Variants in SSH1 observed in about 807,000 individuals in gnomAD.
The protein encoded by SSH1 is slingshot protein phosphatase 1.
Under a neutral mutation model 79.7 loss-of-function variants are expected in SSH1, and 43 were observed. The ratio of observed to expected loss-of-function variants is 0.54; its 90% CI spans 0.42 to 0.70. SSH1 has a LOEUF of 0.70. SSH1 is among the 30% of genes least tolerant of loss of function. The pLI is 0.00. For missense variants in SSH1, 1,206 were observed against 1,358.8 expected (o/e 0.89, Z 1.77); for synonymous variants, 599 against 538.3 (o/e 1.11, Z -1.56).
intron 9 of SSH1, 67 bp from the exon 10 acceptor site, chr12:108,805,251 TAA>T: frequency 6.4e-7 from 1 of 1,566,914 alleles, no homozygotes; most frequent in South Asian, 1.1e-5. Context: ...TCAAAAGAAT[TAA>T]AGTTACAATG....
chr12:108,826,399 A>T (rs1258973686), intron 2 of SSH1: 1 of 307,138 alleles, frequency 3.3e-6, no homozygotes, highest in Non-Finnish European at 6.3e-6. Context: ...AGTAACAGGC[A>T]TTTACTGTAA....
intron 13 of SSH1, among the ~76,000 whole-genome samples, chr12:108,798,133 C>T (rs913826832): frequency 1.3e-5 from 2 of 152,244 alleles, no homozygotes; most frequent in African/African-American, 4.8e-5. Context: ...CACTAGTTCG[C>T]TTGTACGCTC....
intron 2 of SSH1, chr12:108,827,501 C>T: frequency 1.5e-6 from 2 of 1,292,198 alleles, no homozygotes; most frequent in Non-Finnish European, 2.0e-6. Context: ...ACCCGAAAAG[C>T]AAATGGCTCT....
intron 2 of SSH1, chr12:108,827,612 T>G (rs993551729): frequency 1.7e-6 from 2 of 1,206,246 alleles, no homozygotes; most frequent in East Asian, 6.5e-5. Flanking sequence ...CTGAGGTTCC[T>G]CTAATCACTG....
chr12:108,823,450 T>G (rs2038201408), intron 2 of SSH1, 89 bp from the exon 3 acceptor site: 6 of 1,036,624 alleles, frequency 5.8e-6, no homozygotes, highest in Non-Finnish European at 8.8e-6. Context: ...AGCTTTAGCG[T>G]GGACAAATGG....
At chr12:108,806,001 G>A (rs772873111) in intron 9 of SSH1, among the ~76,000 whole-genome samples, 6 of 152,066 alleles carry the variant, frequency 3.9e-5, no homozygotes, top group Admixed American at 6.6e-5. Flanking sequence ...AATGCTTCTC[G>A]GTGCAGTCTG....
rs1219176817 is a variant in SSH1, at chr12:108,782,146, A to G, written c.*5842T>C. The G allele has an allele frequency of 6.6e-6, 1 of 151,080 alleles. No homozygotes were observed. The highest frequency in any genetic ancestry group is 1.5e-5 in the Non-Finnish European group (1 of 67,884). The allele number at this position is 151,080 out of a possible 1,614,324, so 9.4% of individuals were successfully genotyped here. A position where few individuals can be genotyped will look rare whatever the true frequency, so the allele number is the denominator to read the frequency against. ...AGACCCAGTCTCAAAAAAAAAAAAA[A>G]AAAAATTAAAAAAAAAAAAATGGAA... is the stretch of plus-strand genomic sequence containing the variant. On this transcript the variant is annotated 3_prime_UTR_variant, in exon 15 of 15. Transcript: ENST00000326495.
chr12:108,802,265 G>A (rs1341640397), intron 11 of SSH1, 57 bp downstream of exon 11: 1 of 1,507,506 alleles, frequency 6.6e-7, no homozygotes, highest in African/African-American at 1.4e-5. Context: ...CCATGGCAGA[G>A]TGGAGGGTTT....
At chr12:108,814,951 G>A (rs1417004297) in intron 5 of SSH1, among the ~76,000 whole-genome samples, 2 of 152,246 alleles carry the variant, frequency 1.3e-5, no homozygotes, top group Admixed American at 6.5e-5. Context: ...AGGCATGCCC[G>A]TGACTGCTGG....
chr12:108,852,999 G>C, intron 1 of SSH1: 1 of 985,352 alleles, frequency 1.0e-6, no homozygotes, highest in Non-Finnish European at 1.2e-6. Context: ...ACTTTCCGAG[G>C]TTGTTCTGGA....
rs926549887 is a variant in SSH1 at position 108,803,338 on chromosome 12, A to G, written c.955-970T>C. 1.5e-4 allele frequency among the ~76,000 whole-genome samples: 22 copies of G among 151,150 alleles called. 1 individual carries two copies. The highest frequency in any genetic ancestry group is 2.9e-5 in the Non-Finnish European group (2 of 67,924). On this transcript the variant is annotated intron_variant, in intron 10 of 14. Transcript: ENST00000326495. ...TATCATTGAAAAACCTTCCACTCCC[A>G]AGCATTCAAAGGACATGGAACGGGG...
Position 108,792,487 on chromosome 12 carries a change from A to T in SSH1, c.1692T>A (p.Cys564Ter). ...CTAGTTTCTTCTTCACATCCTTCTCACAGAGTCCGGAACCTTGCTGGGGCT... is the reference window on the plus strand; with the variant it reads ...CTAGTTTCTTCTTCACATCCTTCTCTCAGAGTCCGGAACCTTGCTGGGGCT... ...ARQPQQGSGLCEKDVKKKLEF... is the reference protein window; with the variant it reads ...ARQPQQGSGL The change falls in exon 14 of 15, where the codon TGT becomes TGA. Residue 564 changes from cysteine to a stop codon, truncating the protein, a stop_gained. Coordinates refer to ENST00000326495, the MANE Select transcript of SSH1 (RefSeq NM_018984.4). LOFTEE classifies it high-confidence loss of function. 6.2e-7 allele frequency: 1 copy of T among 1,613,968 alleles called. No individual in the cohort carries two copies. Among genetic ancestry groups the T allele is most frequent in the Admixed American group, 1.7e-5 (1 of 59,990 alleles).
intron 2 of SSH1, among the ~76,000 whole-genome samples, chr12:108,848,296 C>T (rs779103815): frequency 5.1e-4 from 77 of 152,010 alleles, no homozygotes; most frequent in Non-Finnish European, 1.3e-4. Context: ...TCCATGTGAC[C>T]CTGCAATTTA....
chr12:108,856,811 G>A (rs2039153678), intron 1 of SSH1, among the ~76,000 whole-genome samples: 1 of 152,180 alleles, frequency 6.6e-6, no homozygotes, highest in African/African-American at 2.4e-5. Context: ...AACTACCCCG[G>A]CCACAGGTCT....
At chr12:108,850,704 A>G (rs972692919) in intron 2 of SSH1, among the ~76,000 whole-genome samples, 1 of 56,998 alleles carries the variant, frequency 1.8e-5, no homozygotes, top group Non-Finnish European at 3.3e-5. Context: ...GATTTGGGGG[A>G]GGGAAGCTTG....
chr12:108,805,214 A>G, intron 9 of SSH1, 30 bp from the exon 10 acceptor site: 2 of 1,603,520 alleles, frequency 1.2e-6, no homozygotes, highest in Non-Finnish European at 1.7e-6. Flanking sequence ...AGGAAAAGTG[A>G]TTTGTTAAAG....
chr12:108,813,135 T>C (rs980920534), intron 5 of SSH1, among the ~76,000 whole-genome samples: 1 of 151,982 alleles, frequency 6.6e-6, no homozygotes, highest in Non-Finnish European at 1.5e-5. Flanking sequence ...GGAGCATACA[T>C]GGGAAGCAGG....
At chr12:108,799,233 TG>T in intron 12 of SSH1, 33 bp from the exon 13 acceptor site, 1 of 1,577,762 alleles carries the variant, frequency 6.3e-7, no homozygotes. Context: ...GGAGGAGAGA[TG>T]GGGGAGAAGC....
At chr12:108,804,938 G>A in intron 10 of SSH1, 118 bp downstream of exon 10, 2 of 1,265,294 alleles carry the variant, frequency 1.6e-6, no homozygotes, top group Non-Finnish European at 2.3e-6. Flanking sequence ...CAGGATGGAG[G>A]CTCTGGCAAC....
Sources: allele counts gnomAD v4.1 joint callset (sites outside exome capture counted in the v4.1 genomes callset), GRCh38; gene constraint gnomAD v4.1.1; transcripts MANE v1.5; gene names NCBI Gene and HGNC (gene_info 2026-07-23, HGNC 2026-07-21).